ZNF69: variants seen among roughly 807,000 people sequenced by gnomAD.
ZNF69 encodes the protein zinc finger protein 69, also known as ZNF3.
ZNF69 carries 47 observed loss-of-function variants against 50.9 expected under a neutral mutation model. The ratio of observed to expected loss-of-function variants is 0.92; its 90% CI spans 0.73 to 1.18. The LOEUF (loss-of-function observed/expected upper bound fraction) is 1.18. ZNF69 is among the 50% of genes most tolerant of loss of function. The probability of loss-of-function intolerance (pLI) is 0.00; values close to 1 mark genes in which losing one functional copy is unlikely to be tolerated. For synonymous variants in ZNF69, 216 were observed against 223.1 expected, an observed-to-expected ratio of 0.97 and a Z score of 0.29; for missense variants, 717 against 675.1, an observed-to-expected ratio of 1.06 and a Z score of -0.69.
the ZNF69 span, chr19:11,948,150 G>C: frequency 1.7e-6 from 2 of 1,143,198 alleles, no homozygotes; most frequent in Non-Finnish European, 2.5e-6. Flanking sequence ...ACCTTCAAAC[G>C]ATTCAGACAG....
the ZNF69 span, among the ~76,000 whole-genome samples, chr19:11,958,518 CCACTGACTCACAGTGA>C: frequency 6.6e-6 from 1 of 152,308 alleles, no homozygotes; most frequent in East Asian, 1.9e-4. Flanking sequence ...TCAGAACCTT[CCACTGACTCACAGTGA>C]GCGAGTGGTC....
the ZNF69 span, among the ~76,000 whole-genome samples, chr19:11,929,964 G>A: frequency 2.2e-4 from 33 of 148,220 alleles, 3 homozygotes; most frequent in East Asian, 1.9e-3. Flanking sequence ...TATGTCTTCA[G>A]TACACCCTCC....
At chr19:11,895,284 G>T (rs1396521903) in intron 1 of ZNF69, among the ~76,000 whole-genome samples, 1 of 152,246 alleles carries the variant, frequency 6.6e-6, no homozygotes, top group African/African-American at 2.4e-5. Context: ...AATCCCAGGA[G>T]ATGAGGGCAG....
chr19:11,891,783 A>C lies in ZNF69; in HGVS notation c.63+3797A>C, dbSNP rs1030719119. Among the ~76,000 whole-genome samples the C allele has an allele frequency of 4.6e-5, 7 of 152,216 alleles. No homozygotes were observed. The East Asian group carries it at 1.4e-3, about 29-fold the overall frequency. On this transcript the variant is annotated intron_variant, in intron 1 of 3. Transcript: ENST00000429654. ...CAGGCATCTTCAGGCTGTTTTCTTC[A>C]TGGGAAACTTTATGATCATGGGTTG... is the stretch of plus-strand genomic sequence containing the variant.
chr19:11,940,878 A>G, the ZNF69 span, among the ~76,000 whole-genome samples: 1 of 152,260 alleles, frequency 6.6e-6, no homozygotes, highest in African/African-American at 2.4e-5. Context: ...AGGTTCTCCA[A>G]GGCCCCACCA....
At chr19:11,930,964 T>C in the ZNF69 span, among the ~76,000 whole-genome samples, 2 of 144,448 alleles carry the variant, frequency 1.4e-5, no homozygotes, top group African/African-American at 5.6e-5. Context: ...GCGCCATTGC[T>C]CTCTAGCCAG....
the ZNF69 span, chr19:11,949,700 C>G: frequency 6.8e-6 from 11 of 1,613,872 alleles, no homozygotes; most frequent in African/African-American, 9.4e-5. Flanking sequence ...AGGACTCACA[C>G]TGGAGAGAAA....
chr19:11,950,552 A>G, the ZNF69 span: 12 of 582,758 alleles, frequency 2.1e-5, no homozygotes, highest in African/African-American at 2.0e-4. Context: ...AATGTGGGAA[A>G]GCCTTCAGAT....
chr19:11,962,997 G>C, the ZNF69 span, among the ~76,000 whole-genome samples: 1 of 151,982 alleles, frequency 6.6e-6, no homozygotes, highest in South Asian at 2.1e-4. Flanking sequence ...TGATCCAGTC[G>C]ATGAGGAAAT....
the ZNF69 span, among the ~76,000 whole-genome samples, chr19:11,927,478 A>C: frequency 6.6e-6 from 1 of 151,632 alleles, no homozygotes; most frequent in Non-Finnish European, 1.5e-5. Context: ...AAGGAAAAAG[A>C]AAGAAAAAGC....
At chr19:11,970,442 A>C in the ZNF69 span, among the ~76,000 whole-genome samples, 1 of 152,250 alleles carries the variant, frequency 6.6e-6, no homozygotes, top group Non-Finnish European at 1.5e-5. Flanking sequence ...ATCCATAAAG[A>C]AAATGCATGC....
the ZNF69 span, among the ~76,000 whole-genome samples, chr19:11,976,276 C>T: frequency 3.3e-5 from 5 of 151,704 alleles, no homozygotes; most frequent in Admixed American, 3.3e-4. Flanking sequence ...TACAGACCCA[C>T]AGTTCAAAGA....
the ZNF69 span, among the ~76,000 whole-genome samples, chr19:11,955,368 T>C: frequency 1.3e-5 from 2 of 151,680 alleles, no homozygotes. Context: ...TCTATCCTTT[T>C]TCGTGGATGA....
the ZNF69 span, chr19:11,978,516 G>A: frequency 1.2e-6 from 2 of 1,614,200 alleles, no homozygotes; most frequent in Non-Finnish European, 1.7e-6. Flanking sequence ...CAGTGGGGAT[G>A]GACCTTATAA....
At chr19:11,932,627 A>G in the ZNF69 span, among the ~76,000 whole-genome samples, 1 of 139,598 alleles carries the variant, frequency 7.2e-6, no homozygotes, top group Admixed American at 7.0e-5. Context: ...TATGCAAACC[A>G]ATATGTGATT....
chr19:11,894,251 G>A (rs1448342679), intron 1 of ZNF69, among the ~76,000 whole-genome samples: 2 of 152,060 alleles, frequency 1.3e-5, no homozygotes, highest in Non-Finnish European at 2.9e-5. Flanking sequence ...CTCACTGCAA[G>A]CTCCGCCTCC....
chr19:11,971,934 G>A, the ZNF69 span, among the ~76,000 whole-genome samples: 1 of 151,996 alleles, frequency 6.6e-6, no homozygotes, highest in African/African-American at 2.4e-5. Context: ...TGGTGGCAGA[G>A]GCCTGTAATC....
At chr19:11,963,000 G>A in the ZNF69 span, among the ~76,000 whole-genome samples, 1 of 152,020 alleles carries the variant, frequency 6.6e-6, no homozygotes, top group South Asian at 2.1e-4. Flanking sequence ...TCCAGTCGAT[G>A]AGGAAATATC....
At chr19:11,932,051 G>A in the ZNF69 span, among the ~76,000 whole-genome samples, 1 of 147,444 alleles carries the variant, frequency 6.8e-6, no homozygotes, top group Non-Finnish European at 1.5e-5. Flanking sequence ...GGAGGTGGAG[G>A]TTGCAGTGAG....
Sources: gnomAD v4.1 joint callset for allele counts (sites outside exome capture counted in the v4.1 genomes callset) on GRCh38, gnomAD v4.1.1 for gene constraint, MANE v1.5 for transcripts, NCBI Gene and HGNC (gene_info 2026-07-23, HGNC 2026-07-21) for gene names.